Variants in ESRRG observed in about 807,000 individuals in gnomAD.
ESRRG encodes estrogen-related receptor gamma.
In ESRRG, 13 loss-of-function variants were observed where a neutral mutation model predicts 44.0. That is an observed-to-expected ratio of 0.30 (90% CI 0.19 to 0.47). The LOEUF (loss-of-function observed/expected upper bound fraction) is 0.47, where lower values mean the gene tolerates loss of function less well. ESRRG is among the 20% of genes least tolerant of loss of function. The pLI, the probability that ESRRG is intolerant of heterozygous loss-of-function variation, is 1.00. For missense variants in ESRRG, 395 were observed against 580.6 expected, an observed-to-expected ratio of 0.68 and a Z score of 3.29; for synonymous variants, 215 against 214.6, an observed-to-expected ratio of 1.00 and a Z score of -0.02.
At chr1:217,057,468 T>A (rs2087369533) in intron 1 of ESRRG, among the ~76,000 whole-genome samples, 1 of 151,998 alleles carries the variant, frequency 6.6e-6, no homozygotes, top group Admixed American at 6.6e-5. Context: ...ACCTATAATT[T>A]CAAAAGAAAC....
chr1:217,121,696 T>C (rs1054710190), intron 1 of ESRRG, among the ~76,000 whole-genome samples: 1 of 152,186 alleles, frequency 6.6e-6, no homozygotes, highest in South Asian at 2.1e-4. Flanking sequence ...GGAATGCAAG[T>C]TGAGAAGTTA....
chr1:216,700,169 T>C lies in ESRRG; in HGVS notation c.57-22678A>G, dbSNP rs535604310. ...TAGCTTAGATACCTCGCTTAACTAT[T>C]AAGCGGGGAGTCTTGCAAAGTTGTT... On this transcript the variant is annotated intron_variant, in intron 1 of 6. Transcript: ENST00000408911. 3.3e-5 allele frequency among the ~76,000 whole-genome samples: 5 copies of C among 151,990 alleles called. No individual in the cohort carries two copies. In the East Asian group the frequency reaches 9.7e-4, roughly 29 times the overall value.
At chr1:216,685,307 G>A (rs2077729132) in intron 1 of ESRRG, among the ~76,000 whole-genome samples, 1 of 152,126 alleles carries the variant, frequency 6.6e-6, no homozygotes, top group Non-Finnish European at 1.5e-5. Flanking sequence ...TATGCTGAAT[G>A]TAACATTTAT....
intron 1 of ESRRG, chr1:216,686,259 C>T (rs1396872368): frequency 6.6e-6 from 1 of 151,888 alleles, no homozygotes; most frequent in Admixed American, 6.6e-5. Context: ...AAAAATTCCT[C>T]CTCTATCCTC....
chr1:216,586,711 G>A (rs151095588), intron 3 of ESRRG, among the ~76,000 whole-genome samples: 2,086 of 150,970 alleles, frequency 0.014, 34 homozygotes, highest in Non-Finnish European at 0.018. Context: ...GAGTGGCTGG[G>A]ACTACAGGCG....
chr1:217,006,109 T>A (rs1195684986), intron 1 of ESRRG, among the ~76,000 whole-genome samples: 2 of 152,106 alleles, frequency 1.3e-5, no homozygotes, highest in East Asian at 3.9e-4. Context: ...ATAGAATGAG[T>A]CCTTTTGGCT....
At chr1:216,658,308 T>C (rs1024148801) in intron 2 of ESRRG, among the ~76,000 whole-genome samples, 1 of 152,182 alleles carries the variant, frequency 6.6e-6, no homozygotes, top group Non-Finnish European at 1.5e-5. Flanking sequence ...TTAAAAAAAC[T>C]ACATCTTCCC....
At chr1:217,008,459 C>T (rs1416858133) in intron 1 of ESRRG, among the ~76,000 whole-genome samples, 1 of 152,162 alleles carries the variant, frequency 6.6e-6, no homozygotes, top group East Asian at 1.9e-4. Flanking sequence ...TAGAAGGCAA[C>T]CAGTAGGGAA....
At chr1:217,016,670 G>A (rs1010443511) in intron 1 of ESRRG, among the ~76,000 whole-genome samples, 2 of 151,920 alleles carry the variant, frequency 1.3e-5, no homozygotes, top group Admixed American at 6.6e-5. Context: ...TACAAATTCC[G>A]GAAAAGAACC....
At chr1:217,133,643 CTCTCTTTCTTTCTT>C (rs778059605) in intron 1 of ESRRG, among the ~76,000 whole-genome samples, 7,085 of 52,520 alleles carry the variant, frequency 0.13, 203 homozygotes, top group African/African-American at 0.17. Flanking sequence ...CTCTCTCTCT[CTCTCTTTCTTTCTT>C]TCTTTCTTTC....
chr1:217,022,744 T>C lies in ESRRG; in HGVS notation c.-106+66763A>G, dbSNP rs113145585. 8.2e-3 allele frequency among the ~76,000 whole-genome samples: 1,251 copies of C among 152,220 alleles called. 16 individuals are homozygous for C. The highest frequency in any genetic ancestry group is 0.028 in the African/African-American group (1,151 of 41,518). ...AGGAAGCAATGTACACTTTGTTTTGTTCAGTTTGGCATCCCCCACATCTGG... is the reference window on the plus strand; with the variant it reads ...AGGAAGCAATGTACACTTTGTTTTGCTCAGTTTGGCATCCCCCACATCTGG... On this transcript the variant is annotated intron_variant, in intron 1 of 7. Transcript: ENST00000359162.
At chr1:216,786,784 A>G (rs550640335) in intron 2 of ESRRG, among the ~76,000 whole-genome samples, 2 of 152,238 alleles carry the variant, frequency 1.3e-5, no homozygotes, top group African/African-American at 4.8e-5. Flanking sequence ...GACACACACT[A>G]TCTAGGCAAA....
At chr1:216,988,214 A>G (rs2075168333) in intron 1 of ESRRG, among the ~76,000 whole-genome samples, 1 of 152,214 alleles carries the variant, frequency 6.6e-6, no homozygotes, top group African/African-American at 2.4e-5. Context: ...TTTACTTATT[A>G]TCATCAAGTC....
At chr1:216,530,179 G>A (rs2048923388) in intron 5 of ESRRG, among the ~76,000 whole-genome samples, 1 of 149,196 alleles carries the variant, frequency 6.7e-6, no homozygotes, top group Admixed American at 6.7e-5. Flanking sequence ...CTTCATTTCT[G>A]TTATTTGTAA....
At chr1:216,931,820 A>T (rs1578295478) in intron 2 of ESRRG, among the ~76,000 whole-genome samples, 1 of 120,900 alleles carries the variant, frequency 8.3e-6, no homozygotes, top group Non-Finnish European at 1.9e-5. Context: ...ATCAAGACAG[A>T]AAAATGAGAA....
chr1:216,855,944 G>A (rs1309003592), intron 2 of ESRRG, among the ~76,000 whole-genome samples: 2 of 152,124 alleles, frequency 1.3e-5, no homozygotes, highest in East Asian at 3.9e-4. Context: ...GAATAATGAT[G>A]AGGTGCTTCC....
At position 216,861,991 on chromosome 1, in the gene ESRRG, T is replaced by C. The variant is rs73097537; in HGVS notation, c.-14+77591A>G. Among the ~76,000 whole-genome samples, 662 of 152,260 alleles carry C rather than the reference T, an allele frequency of 4.3e-3. 6 individuals are homozygous for C. The highest frequency in any genetic ancestry group is 0.015 in the African/African-American group (633 of 41,564). ...GGAAATGCAAATTAAAACTACAAGA[T>C]ACTACTACACATCTATTAGAATGAA... On this transcript the variant is annotated intron_variant, in intron 2 of 7. Coordinates refer to the ESRRG transcript ENST00000359162.
At chr1:216,930,245 A>G (rs1252568916) in intron 2 of ESRRG, among the ~76,000 whole-genome samples, 3 of 152,054 alleles carry the variant, frequency 2.0e-5, no homozygotes, top group Non-Finnish European at 4.4e-5. Flanking sequence ...TTCTATATCC[A>G]TATTGCTTTT....
At chr1:217,130,907 T>C (rs1488004397) in intron 1 of ESRRG, among the ~76,000 whole-genome samples, 1 of 152,090 alleles carries the variant, frequency 6.6e-6, no homozygotes. Context: ...TTTTTAACTA[T>C]TAAGACGTTA....
Sources: allele counts gnomAD v4.1 joint callset (sites outside exome capture counted in the v4.1 genomes callset), GRCh38; gene constraint gnomAD v4.1.1; transcripts MANE v1.5; gene names NCBI Gene and HGNC (gene_info 2026-07-23, HGNC 2026-07-21).